The following SEMA3C variants were observed in gnomAD, a reference collection of about 807,000 sequenced individuals.
SEMA3C encodes the protein semaphorin-3C.
Under a neutral mutation model 89.4 loss-of-function variants are expected in SEMA3C, and 47 were observed. The ratio of observed to expected loss-of-function variants is 0.53; its 90% CI spans 0.42 to 0.67. The LOEUF is 0.67. Among genes scored for constraint, SEMA3C ranks in the 30% least tolerant of loss-of-function variants. The pLI, the probability that SEMA3C is intolerant of heterozygous loss-of-function variation, is 0.00. For synonymous variants in SEMA3C, 310 were observed against 320.2 expected, an observed-to-expected ratio of 0.97 and a Z score of 0.34; for missense variants, 839 against 929.1, an observed-to-expected ratio of 0.90 and a Z score of 1.26.
chr7:80,819,097 C>A (rs893423571), intron 4 of SEMA3C, among the ~76,000 whole-genome samples: 1 of 152,128 alleles, frequency 6.6e-6, no homozygotes, highest in South Asian at 2.1e-4. Flanking sequence ...TGGACTAATT[C>A]TAATACTTCA....
At chr7:80,750,458 ATATATAT>A (rs1787901871) in intron 16 of SEMA3C, among the ~76,000 whole-genome samples, 1 of 70,628 alleles carries the variant, frequency 1.4e-5, no homozygotes, top group African/African-American at 5.3e-5. Context: ...ATATATATAT[ATATATAT>A]ATATATATAC....
rs555097362 is a variant in SEMA3C at position 80,777,513 on chromosome 7, A to C, written c.1354+11793T>G. On this transcript the variant is annotated intron_variant, in intron 12 of 17. Coordinates refer to ENST00000265361, the MANE Select transcript of SEMA3C (RefSeq NM_006379.5). ...TGCCATGTTGGCCAGGCTGGTCTCA[A>C]ACTCCTGACCTCAGGTGATCCACCG... 5.9e-5 allele frequency among the ~76,000 whole-genome samples: 9 copies of C among 152,276 alleles called. No individual in the cohort carries two copies. The East Asian group carries it at 1.4e-3, about 23-fold the overall frequency.
chr7:80,869,962 T>C (rs930807046), intron 2 of SEMA3C, among the ~76,000 whole-genome samples: 1 of 152,286 alleles, frequency 6.6e-6, no homozygotes, highest in African/African-American at 2.4e-5. Context: ...ATTACCAAAG[T>C]TTATCTTCTT....
intron 12 of SEMA3C, among the ~76,000 whole-genome samples, chr7:80,774,254 G>T (rs976546749): frequency 6.6e-5 from 10 of 152,138 alleles, no homozygotes; most frequent in African/African-American, 2.4e-4. Flanking sequence ...GAAGAAAACA[G>T]AACTCAAGCC....
chr7:80,830,783 A>G (rs1304644940), intron 2 of SEMA3C, among the ~76,000 whole-genome samples: 4 of 152,168 alleles, frequency 2.6e-5, no homozygotes, highest in Admixed American at 2.6e-4. Flanking sequence ...GAGGTGACAC[A>G]GCTGGCAGGT....
chr7:80,906,227 T>C (rs1412122392), intron 2 of SEMA3C, among the ~76,000 whole-genome samples: 5 of 152,192 alleles, frequency 3.3e-5, no homozygotes, highest in Admixed American at 6.6e-5. Context: ...AGCAAATTTA[T>C]CTTTAGTTAT....
intron 2 of SEMA3C, among the ~76,000 whole-genome samples, chr7:80,883,115 T>C (rs1365595482): frequency 6.6e-6 from 1 of 152,166 alleles, no homozygotes; most frequent in Admixed American, 6.5e-5. Context: ...ACCTTTATAT[T>C]TTATCTCTCA....
intron 15 of SEMA3C, among the ~76,000 whole-genome samples, chr7:80,754,062 T>C (rs930237291): frequency 2.0e-5 from 3 of 152,088 alleles, no homozygotes; most frequent in African/African-American, 7.2e-5. Context: ...CTCAGCCTCC[T>C]GAGTAGTTGG....
intron 2 of SEMA3C, among the ~76,000 whole-genome samples, chr7:80,852,967 C>T (rs1028544398): frequency 3.9e-5 from 6 of 152,034 alleles, no homozygotes; most frequent in Non-Finnish European, 8.8e-5. Context: ...CATGAGCCAC[C>T]GTGCCTGGAC....
At chr7:80,872,797 CAA>C (rs1218885274) in intron 2 of SEMA3C, among the ~76,000 whole-genome samples, 521 of 40,016 alleles carry the variant, frequency 0.013, 1 homozygote, top group African/African-American at 0.043. Flanking sequence ...GAGACTCTGT[CAA>C]AAAAAAAAAA....
intron 2 of SEMA3C, among the ~76,000 whole-genome samples, chr7:80,889,565 G>A (rs1358914054): frequency 6.6e-6 from 1 of 151,986 alleles, no homozygotes; most frequent in African/African-American, 2.4e-5. Flanking sequence ...AAAGAGGTAT[G>A]GTTACAGATG....
chr7:80,881,861 G>A (rs1299461770), intron 2 of SEMA3C, among the ~76,000 whole-genome samples: 1 of 152,144 alleles, frequency 6.6e-6, no homozygotes, highest in East Asian at 1.9e-4. Flanking sequence ...CTTGCTGAGT[G>A]TCATAAAAGG....
chr7:80,898,905 C>T (rs1019712780), intron 2 of SEMA3C, among the ~76,000 whole-genome samples: 3 of 151,702 alleles, frequency 2.0e-5, no homozygotes, highest in African/African-American at 7.3e-5. Flanking sequence ...TCAACATGGC[C>T]TAAATTGGTT....
intron 2 of SEMA3C, among the ~76,000 whole-genome samples, chr7:80,889,512 T>C (rs984465065): frequency 2.0e-5 from 3 of 152,146 alleles, no homozygotes; most frequent in Non-Finnish European, 4.4e-5. Context: ...ATCTGTAATA[T>C]AGGTTCTAAA....
chr7:80,826,702 T>C (rs1386969450), intron 4 of SEMA3C, among the ~76,000 whole-genome samples: 2 of 152,176 alleles, frequency 1.3e-5, no homozygotes, highest in Non-Finnish European at 2.9e-5. Flanking sequence ...TTTTCATTAT[T>C]TGAGGCAAAA....
chr7:80,814,791 A>T (rs535679211), intron 5 of SEMA3C, among the ~76,000 whole-genome samples: 1 of 152,238 alleles, frequency 6.6e-6, no homozygotes, highest in African/African-American at 2.4e-5. Flanking sequence ...CCTTATCCAA[A>T]TCCATCAACA....
At position 80,818,279 on chromosome 7, in the gene SEMA3C, T is replaced by G. The variant is rs1300185544; in HGVS notation, c.447+20A>C. ...TTGACACTAATATCAAAACTAAGAA[T>G]GTTAAATAGTTATACTTACCTCTGA... is the stretch of plus-strand genomic sequence containing the variant. On this transcript the variant is annotated intron_variant, in intron 5 of 17. Transcript: ENST00000265361. 1.3e-6 allele frequency: 2 copies of G among 1,562,678 alleles called. No homozygotes were observed. Among genetic ancestry groups the G allele is most frequent in the Non-Finnish European group, 1.7e-6 (2 of 1,145,102 alleles).
intron 4 of SEMA3C, among the ~76,000 whole-genome samples, chr7:80,823,826 T>C (rs1789810046): frequency 6.6e-6 from 1 of 152,112 alleles, no homozygotes; most frequent in African/African-American, 2.4e-5. Flanking sequence ...TTTGACAGCA[T>C]GTGCTATTGT....
intron 17 of SEMA3C, among the ~76,000 whole-genome samples, chr7:80,747,740 T>C (rs1360289596): frequency 6.6e-6 from 1 of 152,166 alleles, no homozygotes; most frequent in East Asian, 1.9e-4. Context: ...TTTCTAAAAG[T>C]ATTGTTAGCA....
Sources: allele counts gnomAD v4.1 joint callset (sites outside exome capture counted in the v4.1 genomes callset), GRCh38; gene constraint gnomAD v4.1.1; transcripts MANE v1.5; gene names NCBI Gene and HGNC (gene_info 2026-07-23, HGNC 2026-07-21).